Variants in MYH9 observed in about 807,000 individuals in gnomAD.
MYH9 encodes the protein myosin heavy chain 9, also known as myosin-9.
In MYH9, 29 loss-of-function variants were observed where a neutral mutation model predicts 241.9. The ratio of observed to expected loss-of-function variants is 0.12; its 90% CI spans 0.09 to 0.16. The LOEUF is 0.16. MYH9 is among the 10% of genes least tolerant of loss of function. The probability of loss-of-function intolerance (pLI) is 1.00; values close to 1 mark genes in which losing one functional copy is unlikely to be tolerated. For synonymous variants in MYH9, 1,047 were observed against 1,062.6 expected, an observed-to-expected ratio of 0.99 and a Z score of 0.29; for missense variants, 1,803 against 2,595.5, an observed-to-expected ratio of 0.69 and a Z score of 6.63.
chr22:36,346,530 G>A (rs540107627), intron 2 of MYH9, among the ~76,000 whole-genome samples: 12 of 152,194 alleles, frequency 7.9e-5, no homozygotes, highest in Admixed American at 5.2e-4. Context: ...TATTACATAT[G>A]TGACCATGAG....
Position 36,320,082 on chromosome 22 carries a change from T to A in MYH9, c.1012+138A>T. On this transcript the variant is annotated intron_variant, in intron 9 of 40. Coordinates refer to ENST00000216181, the MANE Select transcript of MYH9 (RefSeq NM_002473.6). The surrounding 1 kb of genome is among the most constrained non-coding windows in gnomAD (Gnocchi z 4.8). ...GAACCTCAAATCTGAGGAATCATTT[T>A]CCCATACACTGAAGGCCTTCCCCTT... 1 of 1,172,626 alleles carries A rather than the reference T, an allele frequency of 8.5e-7. No homozygotes were observed. Among genetic ancestry groups the A allele is most frequent in the Non-Finnish European group, 1.2e-6 (1 of 812,522 alleles). The allele number at this position is 1,172,626 out of a possible 1,614,324, so 72.6% of individuals were successfully genotyped here. A position where few individuals can be genotyped will look rare whatever the true frequency, so the allele number is the denominator to read the frequency against.
intron 1 of MYH9, among the ~76,000 whole-genome samples, chr22:36,378,822 C>T (rs1250303529): frequency 6.6e-6 from 1 of 151,538 alleles, no homozygotes; most frequent in Admixed American, 6.6e-5. Flanking sequence ...AGGGCATAAA[C>T]ATCAAAAAAA....
rs568028335 is a variant in MYH9 at position 36,303,965 on chromosome 22, T to C, written c.2390+30A>G. 4.3e-6 allele frequency: 7 copies of C among 1,611,962 alleles called. No individual in the cohort carries two copies. The African/African-American group carries it at 5.3e-5, about 12-fold the overall frequency. ...CAGAAGGGCGTGGCAAGGCCTGGCA[T>C]GCGGGGCAGGAGTATCTCCCGGGAC... On this transcript the variant is annotated intron_variant, in intron 19 of 40. Transcript: ENST00000216181.
At position 36,302,550 on chromosome 22, in the gene MYH9, G is replaced by A; in HGVS notation, c.2499+18C>T. On this transcript the variant is annotated intron_variant, in intron 20 of 40. Coordinates refer to ENST00000216181, the MANE Select transcript of MYH9 (RefSeq NM_002473.6). Reference sequence around the variant, plus strand: ...CACCCGTAGTCCCAGCTACTCAGGAGGCCCTTCTAGCACGCACCTTGGTGA... The same window carrying A: ...CACCCGTAGTCCCAGCTACTCAGGAAGCCCTTCTAGCACGCACCTTGGTGA... 1 of 1,603,784 alleles carries A rather than the reference G, an allele frequency of 6.2e-7. No individual in the cohort carries two copies. Among genetic ancestry groups the A allele is most frequent in the Non-Finnish European group, 8.5e-7 (1 of 1,172,766 alleles).
chr22:36,314,048 C>T lies in MYH9; in HGVS notation c.1554+97G>A, dbSNP rs760029452. 38 of 1,459,780 alleles carry T rather than the reference C, an allele frequency of 2.6e-5. No homozygotes were observed. In the South Asian group the frequency reaches 4.3e-4, roughly 16 times the overall value. 90.4% of individuals were successfully genotyped at this position (1,459,780 alleles called of 1,614,324 possible). ...GCACCAAAAGGAAGGGGAGTTAAGA[C>T]ACCTCCACAACCAACACAGAGCTGA... On this transcript the variant is annotated intron_variant, in intron 13 of 40. Coordinates refer to ENST00000216181, the MANE Select transcript of MYH9 (RefSeq NM_002473.6).
chr22:36,309,968 G>C (rs2017033941), intron 14 of MYH9, among the ~76,000 whole-genome samples: 1 of 152,016 alleles, frequency 6.6e-6, no homozygotes, highest in Non-Finnish European at 1.5e-5. Context: ...TAGAGATAGG[G>C]GCTGGGTGCG....
At chr22:36,286,940 G>C in intron 34 of MYH9, 94 bp from the exon 35 acceptor site, 1 of 1,567,978 alleles carries the variant, frequency 6.4e-7, no homozygotes, top group Non-Finnish European at 8.7e-7. Flanking sequence ...CTCATGGCTG[G>C]TGCTCCACTC....
intron 3 of MYH9, among the ~76,000 whole-genome samples, chr22:36,336,240 G>C (rs2017496569): frequency 6.6e-6 from 1 of 152,214 alleles, no homozygotes; most frequent in Non-Finnish European, 1.5e-5. Context: ...CTACTCACTG[G>C]GGAGATAACT....
At chr22:36,354,440 G>A (rs1169987845) in intron 1 of MYH9, among the ~76,000 whole-genome samples, 1 of 148,378 alleles carries the variant, frequency 6.7e-6, no homozygotes, top group African/African-American at 2.5e-5. Flanking sequence ...CTCTTATCTA[G>A]TATACCATCT....
At chr22:36,378,033 G>A (rs1254218680) in intron 1 of MYH9, among the ~76,000 whole-genome samples, 1 of 152,090 alleles carries the variant, frequency 6.6e-6, no homozygotes, top group Non-Finnish European at 1.5e-5. Context: ...CTAGCACTTT[G>A]GGAGGCCAAG....
At chr22:36,292,910 G>C (rs978274008) in intron 30 of MYH9, among the ~76,000 whole-genome samples, 1 of 152,238 alleles carries the variant, frequency 6.6e-6, no homozygotes, top group Non-Finnish European at 1.5e-5. Context: ...GAAGCCACGT[G>C]CTGCTAGATA....
Position 36,295,031 on chromosome 22 carries a change from C to G in MYH9, c.3531G>C (p.Glu1177Asp), listed in dbSNP as rs531661503. ...QEVNILKKTLEEEAKTHEAQI... is the reference protein window; with the variant it reads ...QEVNILKKTLDEEAKTHEAQI... ...GGGCCTCGTGGGTCTTGGCCTCCTC[C>G]TCCAGGGTCTTCTTCAGGATGTTCA... Residue 1177 changes from glutamate (E) to aspartate (D), a missense_variant, in exon 27 of 41, where the codon GAG becomes GAC. This residue lies in a region of MYH9 where 876 missense variants were observed against 1,077.8 expected (regional missense o/e 0.81). Transcript: ENST00000216181. The surrounding 1 kb of genome is among the most constrained non-coding windows in gnomAD (Gnocchi z 4.1). 1 of 1,614,186 alleles carries G rather than the reference C, an allele frequency of 6.2e-7. No individual in the cohort carries two copies. The highest frequency in any genetic ancestry group is 2.2e-5 in the East Asian group (1 of 44,864).
At chr22:36,352,859 G>A (rs937235915) in intron 1 of MYH9, among the ~76,000 whole-genome samples, 2 of 152,258 alleles carry the variant, frequency 1.3e-5, no homozygotes, top group African/African-American at 4.8e-5. Context: ...GCTCTGCTCA[G>A]CCTGGCCAAG....
intron 7 of MYH9, 57 bp downstream of exon 7, chr22:36,321,701 G>A (rs2017254141): frequency 4.0e-6 from 6 of 1,491,060 alleles, no homozygotes; most frequent in Non-Finnish European, 5.6e-6. Flanking sequence ...CTTCTCTACA[G>A]AGGTCATGCC....
chr22:36,355,604 G>A (rs1489142208), intron 1 of MYH9, among the ~76,000 whole-genome samples: 4 of 152,158 alleles, frequency 2.6e-5, no homozygotes, highest in Non-Finnish European at 4.4e-5. Context: ...CACCTTCACC[G>A]TAAAGCTGCA....
At position 36,300,100 on chromosome 22, in the gene MYH9, G is replaced by GAGCAA. The variant is rs745765484; in HGVS notation, c.2976+26_2976+27insTTGCT. On this transcript the variant is annotated intron_variant, in intron 23 of 40. Transcript: ENST00000216181. This position sits in a 1 kb window ranked among gnomAD's most constrained non-coding sequence, Gnocchi z 5.0. Reference sequence around the variant, plus strand: ...TCCCATCCACGGCGCCCCTGGAGCAGCGGCAGGCGACAGCCACGGGCCTCA... The same window carrying GAGCAA: ...TCCCATCCACGGCGCCCCTGGAGCAGAGCAACGGCAGGCGACAGCCACGGGCCTCA... 1.9e-6 allele frequency: 3 copies of GAGCAA among 1,607,112 alleles called. No homozygotes were observed. In the Admixed American group the frequency reaches 5.0e-5, roughly 27 times the overall value.
At position 36,285,368 on chromosome 22, in the gene MYH9, G is replaced by A; in HGVS notation, c.5275-39C>T. ...GCCAGTGACCTTGGGGAGGGCTGGG[G>A]CCCTGGCTGGAGGGCATGAGCAGGG... On this transcript the variant is annotated intron_variant, in intron 37 of 40. Transcript: ENST00000216181. This position sits in a 1 kb window ranked among gnomAD's most constrained non-coding sequence, Gnocchi z 7.0. The A allele has an allele frequency of 6.3e-7, 1 of 1,595,364 alleles. No individual in the cohort carries two copies. The highest frequency in any genetic ancestry group is 8.5e-7 in the Non-Finnish European group (1 of 1,173,644).
chr22:36,325,450 T>G (rs2017320865), intron 5 of MYH9, among the ~76,000 whole-genome samples: 1 of 152,164 alleles, frequency 6.6e-6, no homozygotes, highest in South Asian at 2.1e-4. Context: ...CCTGATGGCT[T>G]CAAGGAACAC....
intron 2 of MYH9, among the ~76,000 whole-genome samples, chr22:36,346,151 CAA>C (rs56232061): frequency 3.9e-3 from 477 of 121,226 alleles, no homozygotes; most frequent in Non-Finnish European, 5.0e-3. Flanking sequence ...GACTCCGTCT[CAA>C]AAAAAAAAAA....
Sources: gnomAD v4.1 joint callset for allele counts (sites outside exome capture counted in the v4.1 genomes callset) on GRCh38, gnomAD v4.1.1 for gene constraint, gnomAD v4.1.1 regional missense constraint, Gnocchi (gnomAD v3.1) non-coding constraint, MANE v1.5 for transcripts, NCBI Gene and HGNC (gene_info 2026-07-23, HGNC 2026-07-21) for gene names.